Variants in SPATS2L observed in about 807,000 individuals in gnomAD.
SPATS2L encodes the protein spermatogenesis associated serine rich 2 like.
Under a neutral mutation model 59.6 loss-of-function variants are expected in SPATS2L, and 30 were observed. That is an observed-to-expected ratio of 0.50 (90% confidence interval 0.38 to 0.68). SPATS2L has a LOEUF of 0.68. Among genes scored for constraint, SPATS2L ranks in the 30% least tolerant of loss-of-function variants. SPATS2L has a pLI of 0.00. For synonymous variants in SPATS2L, 252 were observed against 263.5 expected (o/e 0.96, Z 0.42); for missense variants, 615 against 700.0 (o/e 0.88, Z 1.37).
In SPATS2L at chr2:200,473,022, C is replaced by T; in HGVS notation, c.1251C>T (p.Pro417=). 1.2e-6 allele frequency: 2 copies of T among 1,613,650 alleles called. No homozygotes were observed. The highest frequency in any genetic ancestry group is 1.1e-5 in the South Asian group (1 of 91,040). The change falls in exon 12 of 13, where the codon CCC becomes CCT. Residue 417 remains proline (P), a synonymous_variant. Transcript: ENST00000409140. ...GCAGTCTCCCCAGCACCGCCGACCC[C>T]TCTCACCAGACCATGCCGGCCAACA... ...MVSSLPSTAD[P]SHQTMPANKQ... is the part of the protein sequence containing the mutation.
At chr2:200,411,943 C>A (rs545911007) in intron 3 of SPATS2L, among the ~76,000 whole-genome samples, 19 of 152,110 alleles carry the variant, frequency 1.2e-4, no homozygotes, top group Admixed American at 5.9e-4. Context: ...ACCCCCTGAG[C>A]CAGTGGAAAG....
At chr2:200,316,002 G>A (rs1455004228) in intron 1 of SPATS2L, among the ~76,000 whole-genome samples, 3 of 140,756 alleles carry the variant, frequency 2.1e-5, no homozygotes, top group African/African-American at 8.0e-5. Context: ...TCCAGCCTGG[G>A]AGACAGTGTG....
rs181062207 is a variant in SPATS2L, at chr2:200,367,386, T to C, written c.-22-21837T>C. 7.3e-3 allele frequency among the ~76,000 whole-genome samples: 1,110 copies of C among 152,322 alleles called. 9 individuals are homozygous for C. The highest frequency in any genetic ancestry group is 0.014 in the Middle Eastern group (4 of 294). On this transcript the variant is annotated intron_variant, in intron 2 of 12. Coordinates refer to ENST00000409140, the MANE Select transcript of SPATS2L (RefSeq NM_001100423.2). ...GACCTCGTGTGGACAGAACACAGTC[T>C]TCTAGCAACACACCAGGAAACAGCA... is the stretch of plus-strand genomic sequence containing the variant.
intron 4 of SPATS2L, among the ~76,000 whole-genome samples, chr2:200,415,563 T>G (rs58669148): frequency 6.6e-6 from 1 of 152,260 alleles, no homozygotes; most frequent in East Asian, 1.9e-4. Context: ...TGAAACCACC[T>G]TCAGCACAGT....
intron 1 of SPATS2L, among the ~76,000 whole-genome samples, chr2:200,312,702 T>C (rs1337247108): frequency 1.3e-5 from 2 of 152,240 alleles, no homozygotes; most frequent in African/African-American, 2.4e-5. Context: ...GTAGAGCTGG[T>C]ATAAAGCCCA....
chr2:200,432,613 G>C (rs1293678671), intron 6 of SPATS2L, among the ~76,000 whole-genome samples: 1 of 152,116 alleles, frequency 6.6e-6, no homozygotes, highest in Non-Finnish European at 1.5e-5. Flanking sequence ...AAAATTACTA[G>C]ACATGGGAAG....
chr2:200,360,672 CAATATGGGATTTCCTCTA>C (rs1206393971), intron 2 of SPATS2L, among the ~76,000 whole-genome samples: 6 of 152,202 alleles, frequency 3.9e-5, no homozygotes, highest in Non-Finnish European at 8.8e-5. Flanking sequence ...AGTGTCCTCA[CAATATGGGATTTCCTCTA>C]AATAAATAAG....
intron 6 of SPATS2L, among the ~76,000 whole-genome samples, chr2:200,431,545 T>C (rs2083932273): frequency 6.6e-6 from 1 of 152,238 alleles, no homozygotes; most frequent in Non-Finnish European, 1.5e-5. Context: ...TACCTGTGTA[T>C]AGAAGACAAT....
upstream of SPATS2L, chr2:200,306,530 C>T (rs1490469053): frequency 1.0e-6 from 1 of 1,002,230 alleles, no homozygotes; most frequent in African/African-American, 1.7e-5. Context: ...GGATACAAAA[C>T]CCGAGAGAGG....
chr2:200,342,742 A>G (rs1252872552), intron 2 of SPATS2L, among the ~76,000 whole-genome samples: 1 of 152,210 alleles, frequency 6.6e-6, no homozygotes, highest in Non-Finnish European at 1.5e-5. Context: ...GGAGTTTGTG[A>G]TCATAATGAG....
chr2:200,469,725 G>A lies in SPATS2L; in HGVS notation c.958-189G>A, dbSNP rs2086883356. ...GGCCCCTCACATATTCCCCAGGCAGGAAGATGCTCATTCCCTAGCCAGGTC... is the reference window on the plus strand; with the variant it reads ...GGCCCCTCACATATTCCCCAGGCAGAAAGATGCTCATTCCCTAGCCAGGTC... On this transcript the variant is annotated intron_variant, in intron 10 of 12. Transcript: ENST00000409140. 5.7e-6 allele frequency: 3 copies of A among 527,266 alleles called. No individual in the cohort carries two copies. The African/African-American group carries it at 5.7e-5, about 10-fold the overall frequency. 32.7% of individuals were successfully genotyped at this position (527,266 alleles called of 1,614,324 possible). A position where few individuals can be genotyped will look rare whatever the true frequency, so the allele number is the denominator to read the frequency against.
Position 200,439,226 on chromosome 2 carries a change from C to T in SPATS2L, c.550C>T (p.Pro184Ser), listed in dbSNP as rs867673180. 6 of 1,613,664 alleles carry T rather than the reference C, an allele frequency of 3.7e-6. No individual in the cohort carries two copies. The highest frequency in any genetic ancestry group is 5.1e-6 in the Non-Finnish European group (6 of 1,179,686). The change falls in exon 7 of 13, where the codon CCT becomes TCT. Residue 184 changes from proline to serine, a missense_variant. Physicochemically the swap from Pro to Ser is moderately conservative, Grantham distance 74. Transcript: ENST00000409140. ...TGGCCTACAGTGGTCAGCTGAGCAGCCTTGTAACCCAAGCAAGCCTAAGGC... is the reference window on the plus strand; with the variant it reads ...TGGCCTACAGTGGTCAGCTGAGCAGTCTTGTAACCCAAGCAAGCCTAAGGC... ...SDGLQWSAEQ[P>S]CNPSKPKAKT... is the part of the protein sequence containing the mutation.
At chr2:200,462,035 A>C (rs559282885) in intron 9 of SPATS2L, among the ~76,000 whole-genome samples, 3 of 152,284 alleles carry the variant, frequency 2.0e-5, no homozygotes, top group Non-Finnish European at 4.4e-5. Context: ...ATTCTTATGA[A>C]ATTTGTTGAC....
chr2:200,469,236 T>C (rs537331933), intron 10 of SPATS2L, among the ~76,000 whole-genome samples: 2 of 152,358 alleles, frequency 1.3e-5, no homozygotes, highest in African/African-American at 4.8e-5. Flanking sequence ...TCCTCTTTTA[T>C]ATTCCTAAAG....
intron 3 of SPATS2L, among the ~76,000 whole-genome samples, chr2:200,411,084 T>C (rs188454125): frequency 2.0e-5 from 3 of 151,148 alleles, no homozygotes; most frequent in East Asian, 3.9e-4. Context: ...TTAGCACTTA[T>C]AAAATGTCAA....
chr2:200,327,973 C>G (rs1209400832), intron 1 of SPATS2L, among the ~76,000 whole-genome samples: 1 of 152,206 alleles, frequency 6.6e-6, no homozygotes, highest in Non-Finnish European at 1.5e-5. Context: ...CTTGTCACTT[C>G]GGTTTGTTGC....
intron 8 of SPATS2L, among the ~76,000 whole-genome samples, chr2:200,451,309 A>G (rs2085427896): frequency 6.6e-6 from 1 of 152,098 alleles, no homozygotes; most frequent in East Asian, 1.9e-4. Flanking sequence ...CCTGGGCAAC[A>G]GAGCCAGACC....
rs2079530960 is a variant in SPATS2L at position 200,320,610 on chromosome 2, A to G, written c.-72-8821A>G. ...CAGCCTGTGTAGATGGCTCCATGAC[A>G]GTATCAGTAACGTGACCATGACAGA... On this transcript the variant is annotated intron_variant, in intron 1 of 12. Coordinates refer to ENST00000409140, the MANE Select transcript of SPATS2L (RefSeq NM_001100423.2). 3.3e-5 allele frequency among the ~76,000 whole-genome samples: 5 copies of G among 151,942 alleles called. 1 individual carries two copies. The South Asian group carries it at 1.0e-3, about 32-fold the overall frequency.
intron 3 of SPATS2L, among the ~76,000 whole-genome samples, chr2:200,401,247 AC>A (rs2082517323): frequency 6.6e-6 from 1 of 152,040 alleles, no homozygotes; most frequent in East Asian, 1.9e-4. Context: ...ATCCCTCCCC[AC>A]CCACCATCCA....
Sources: allele counts gnomAD v4.1 joint callset (sites outside exome capture counted in the v4.1 genomes callset), GRCh38; gene constraint gnomAD v4.1.1; transcripts MANE v1.5; gene names NCBI Gene and HGNC (gene_info 2026-07-23, HGNC 2026-07-21).